The following PAICS variants were observed in gnomAD, a reference collection of about 807,000 sequenced individuals.
The protein encoded by PAICS is phosphoribosylaminoimidazole carboxylase and phosphoribosylaminoimidazolesuccinocarboxamide synthase, also known as bifunctional phosphoribosylaminoimidazole carboxylase/phosphoribosylaminoimidazole succinocarboxamide synthetase.
PAICS carries 33 observed loss-of-function variants against 53.7 expected under a neutral mutation model. The ratio of observed to expected loss-of-function variants is 0.61; its 90% CI spans 0.47 to 0.82. The LOEUF (loss-of-function observed/expected upper bound fraction) is 0.82, where lower values mean the gene tolerates loss of function less well. Ranked by LOEUF, PAICS falls within the 40% of genes least tolerant of loss-of-function variation. PAICS has a pLI of 0.00. For missense variants in PAICS, 394 were observed against 494.1 expected (o/e 0.80, Z 1.92); for synonymous variants, 141 against 167.2 (o/e 0.84, Z 1.21).
upstream of PAICS, chr4:56,431,334 G>A: frequency 2.5e-6 from 1 of 404,270 alleles, no homozygotes; most frequent in African/African-American, 2.2e-5. Flanking sequence ...GATTAACTGG[G>A]AACTAGATCC....
chr4:56,457,146 G>T (rs762591927), intron 8 of PAICS, among the ~76,000 whole-genome samples: 5 of 152,160 alleles, frequency 3.3e-5, no homozygotes, highest in Non-Finnish European at 7.3e-5. Flanking sequence ...AAAATTAAAG[G>T]CCTGGCTTGG....
At chr4:56,418,297 CT>C in the PAICS span, among the ~76,000 whole-genome samples, 1 of 152,066 alleles carries the variant, frequency 6.6e-6, no homozygotes, top group African/African-American at 2.4e-5. Context: ...AAATTACTTT[CT>C]TTTTTAAAAA....
chr4:56,444,455 G>C (rs1718498833), intron 2 of PAICS, among the ~76,000 whole-genome samples: 1 of 152,086 alleles, frequency 6.6e-6, no homozygotes, highest in African/African-American at 2.4e-5. Flanking sequence ...CCACAGATGG[G>C]CATCTGGACC....
intron 1 of PAICS, among the ~76,000 whole-genome samples, chr4:56,437,778 G>T (rs1718094411): frequency 1.6e-5 from 2 of 126,166 alleles, no homozygotes; most frequent in South Asian, 5.3e-4. Flanking sequence ...CCGGGATCGC[G>T]CCACTGCACT....
chr4:56,419,752 A>T, the PAICS span: 1 of 984,872 alleles, frequency 1.0e-6, no homozygotes, highest in Non-Finnish European at 1.2e-6. Context: ...ATACAACGAC[A>T]ACTAGAGGGA....
At chr4:56,436,113 T>G, upstream of PAICS, 30 of 1,453,600 alleles carry the variant, frequency 2.1e-5, no homozygotes, top group East Asian at 5.3e-5. Context: ...CAGTGGGGCG[T>G]TGTTTCGTCC....
At chr4:56,435,452 C>T (rs1340292656), upstream of PAICS, 4 of 1,613,892 alleles carry the variant, frequency 2.5e-6, no homozygotes, top group Non-Finnish European at 8.5e-7. Flanking sequence ...ACATTCCTCT[C>T]GGATCCCCAA....
chr4:56,432,276 T>A (rs1578139268), upstream of PAICS, among the ~76,000 whole-genome samples: 1 of 152,108 alleles, frequency 6.6e-6, no homozygotes, highest in African/African-American at 2.4e-5. Context: ...GCCTGTAATC[T>A]CAGCACTTTG....
chr4:56,435,260 GC>G (rs1277497111), upstream of PAICS: 1 of 1,569,448 alleles, frequency 6.4e-7, no homozygotes, highest in African/African-American at 1.3e-5. Flanking sequence ...GTCCTCCCGG[GC>G]CCTCGGGCGC....
intron 1 of PAICS, among the ~76,000 whole-genome samples, chr4:56,437,929 A>G (rs963682789): frequency 9.9e-5 from 15 of 151,830 alleles, no homozygotes; most frequent in Non-Finnish European, 1.8e-4. Context: ...TTTTCTTGCA[A>G]TCATGGTACC....
chr4:56,446,838 A>G lies in PAICS; in HGVS notation c.358A>G (p.Lys120Glu). 6.2e-7 allele frequency: 1 copy of G among 1,610,358 alleles called. No individual in the cohort carries two copies. The highest frequency in any genetic ancestry group is 8.5e-7 in the Non-Finnish European group (1 of 1,177,926). Residue 120 changes from lysine (K) to glutamate (E), a missense_variant, in exon 3 of 9, where the codon AAG (lysine) becomes GAG (glutamate). Physicochemically the swap from Lys to Glu is moderately conservative, Grantham distance 56. Around this residue, in one of 3 missense-constraint regions of PAICS, gnomAD observed 168 missense variants for 199.3 expected, o/e 0.84. Coordinates refer to ENST00000512576, the MANE Select transcript of PAICS (RefSeq NM_001079524.2). ...KRNPGVKEGY[K>E]FYPPKVELFF... ...AAATCCTGGTGTCAAGGAAGGATAT[A>G]AGTTTTACCCACCTAAAGTGGAGTT...
chr4:56,415,868 G>A, the PAICS span, among the ~76,000 whole-genome samples: 8 of 152,172 alleles, frequency 5.3e-5, no homozygotes, highest in African/African-American at 1.4e-4. Flanking sequence ...TTAGGAGCTC[G>A]AGACCAGCCT....
chr4:56,460,588 T>C lies in PAICS; in HGVS notation c.*1050T>C, dbSNP rs2110103709. 6.6e-6 allele frequency: 1 copy of C among 152,318 alleles called. No homozygotes were observed. The highest frequency in any genetic ancestry group is 2.1e-4 in the South Asian group (1 of 4,828). 9.4% of individuals were successfully genotyped at this position (152,318 alleles called of 1,614,324 possible). A position where few individuals can be genotyped will look rare whatever the true frequency, so the allele number is the denominator to read the frequency against. Reference sequence around the variant, plus strand: ...GAAAATATACATGCTGTTGACCCTCTCTGTAGAAAACCGCACACATAAAAC... The same window carrying C: ...GAAAATATACATGCTGTTGACCCTCCCTGTAGAAAACCGCACACATAAAAC... On this transcript the variant is annotated 3_prime_UTR_variant, in exon 9 of 9. Transcript: ENST00000512576.
chr4:56,445,113 A>G (rs895836349), intron 2 of PAICS, among the ~76,000 whole-genome samples: 2 of 152,178 alleles, frequency 1.3e-5, no homozygotes, highest in African/African-American at 4.8e-5. Flanking sequence ...TTCATGCAAC[A>G]TACCACAATT....
chr4:56,418,272 T>C, the PAICS span, among the ~76,000 whole-genome samples: 1 of 152,192 alleles, frequency 6.6e-6, no homozygotes, highest in Non-Finnish European at 1.5e-5. Flanking sequence ...CACTACACTC[T>C]AGCTTGGTGA....
upstream of PAICS, among the ~76,000 whole-genome samples, chr4:56,432,600 A>G (rs1428511157): frequency 1.3e-5 from 2 of 151,172 alleles, no homozygotes. Context: ...CCTGGCTAAC[A>G]CAGTGAAACC....
rs576326899 is a variant in PAICS at position 56,441,911 on chromosome 4, C to T, written c.214+51C>T. 1.4e-4 allele frequency: 172 copies of T among 1,231,564 alleles called. 1 individual carries two copies. In the East Asian group the frequency reaches 3.8e-3, roughly 27 times the overall value. 76.3% of individuals were successfully genotyped at this position (1,231,564 alleles called of 1,614,324 possible). On this transcript the variant is annotated intron_variant, in intron 2 of 8. Transcript: ENST00000512576. Reference sequence around the variant, plus strand: ...CTCTCACCTTCTCTGGTAAGCATGTCGATGTCTTTCATGTGAAGTTGGCAT... The same window carrying T: ...CTCTCACCTTCTCTGGTAAGCATGTTGATGTCTTTCATGTGAAGTTGGCAT...
At chr4:56,420,646 T>C in the PAICS span, 1 of 152,156 alleles carries the variant, frequency 6.6e-6, no homozygotes, top group African/African-American at 2.4e-5. Context: ...AAAGCAAATA[T>C]GCAACCCCAG....
At chr4:56,456,648 A>G (rs1052410870) in intron 8 of PAICS, among the ~76,000 whole-genome samples, 15 of 150,184 alleles carry the variant, frequency 1.0e-4, no homozygotes, top group East Asian at 5.9e-4. Flanking sequence ...GACTCAAGCA[A>G]TCTTCCCACC....
Sources: gnomAD v4.1 joint callset for allele counts (sites outside exome capture counted in the v4.1 genomes callset) on GRCh38, gnomAD v4.1.1 for gene constraint, gnomAD v4.1.1 regional missense constraint, MANE v1.5 for transcripts, NCBI Gene and HGNC (gene_info 2026-07-23, HGNC 2026-07-21) for gene names.